The following SKAP1 variants were observed in gnomAD, a reference collection of about 807,000 sequenced individuals.
SKAP1 encodes the protein src kinase-associated phosphoprotein 1.
Under a neutral mutation model 58.5 loss-of-function variants are expected in SKAP1, and 44 were observed. That is an observed-to-expected ratio of 0.75 (90% CI 0.59 to 0.97). The LOEUF is 0.97. SKAP1 is among the 50% of genes least tolerant of loss of function. SKAP1 has a pLI of 0.00. For synonymous variants in SKAP1, 127 were observed against 149.7 expected (o/e 0.85, Z 1.11); for missense variants, 390 against 435.2 (o/e 0.90, Z 0.92).
intron 4 of SKAP1, among the ~76,000 whole-genome samples, chr17:48,196,302 G>A (rs950480322): frequency 5.3e-5 from 8 of 152,198 alleles, no homozygotes; most frequent in African/African-American, 1.9e-4. Flanking sequence ...CAGGCATGAT[G>A]TGTGGTTATT....
upstream of SKAP1, among the ~76,000 whole-genome samples, chr17:48,433,123 G>A (rs1041949840): frequency 1.4e-4 from 21 of 152,214 alleles, no homozygotes; most frequent in Admixed American, 5.9e-4. Context: ...TGAGGACCCT[G>A]TTTCAGCAGT....
chr17:48,207,929 G>C (rs1467342107), intron 4 of SKAP1, among the ~76,000 whole-genome samples: 1 of 152,170 alleles, frequency 6.6e-6, no homozygotes. Flanking sequence ...GAATGTCCTA[G>C]AATGACTTCA....
chr17:48,209,756 T>G (rs1274392076), intron 4 of SKAP1, among the ~76,000 whole-genome samples: 1 of 152,222 alleles, frequency 6.6e-6, no homozygotes, highest in Non-Finnish European at 1.5e-5. Context: ...ATAGATACTT[T>G]TCCCCTCAGA....
rs1445537680 is a variant in SKAP1, at chr17:48,369,180, T to TAA, written c.153-5368_153-5367dup. ...AAATAAATAAATAAATAAATAAATATAAAATAAAGATGTTTTAACTGAACT... is the reference window on the plus strand; with the variant it reads ...AAATAAATAAATAAATAAATAAATATAAAAAATAAAGATGTTTTAACTGAACT... On this transcript the variant is annotated intron_variant, in intron 2 of 12. Coordinates refer to ENST00000336915, the MANE Select transcript of SKAP1 (RefSeq NM_003726.4). Among the ~76,000 whole-genome samples the TAA allele has an allele frequency of 1.4e-3, 172 of 121,954 alleles. 1 individual carries two copies. The highest frequency in any genetic ancestry group is 0.01 in the East Asian group (50 of 4,794). 80.0% of individuals were successfully genotyped at this position (121,954 alleles called of 152,430 possible).
intron 3 of SKAP1, among the ~76,000 whole-genome samples, chr17:48,353,504 T>C (rs1794052753): frequency 6.6e-6 from 1 of 152,210 alleles, no homozygotes; most frequent in Non-Finnish European, 1.5e-5. Context: ...CTGATACATT[T>C]TGGGGTCTAC....
At chr17:48,312,490 C>T (rs940474934) in intron 4 of SKAP1, among the ~76,000 whole-genome samples, 48 of 152,266 alleles carry the variant, frequency 3.2e-4, no homozygotes, top group African/African-American at 1.0e-3. Context: ...TTCTATAACA[C>T]TATGTGAAAC....
intron 2 of SKAP1, among the ~76,000 whole-genome samples, chr17:48,383,626 T>C (rs2067243658): frequency 6.6e-6 from 1 of 151,864 alleles, no homozygotes; most frequent in South Asian, 2.1e-4. Flanking sequence ...AATTAAAGCC[T>C]AATTTTCTCT....
intron 11 of SKAP1, among the ~76,000 whole-genome samples, chr17:48,142,323 G>A (rs375007558): frequency 2.0e-5 from 3 of 152,238 alleles, no homozygotes; most frequent in East Asian, 1.9e-4. Flanking sequence ...TTAGCTGGGC[G>A]TGGTTGAGGA....
intron 4 of SKAP1, among the ~76,000 whole-genome samples, chr17:48,235,616 T>C (rs1368501314): frequency 2.0e-5 from 3 of 152,178 alleles, no homozygotes; most frequent in African/African-American, 7.2e-5. Flanking sequence ...TGTGTTAAAG[T>C]AGGACAAGCA....
In SKAP1 at chr17:48,147,794, G is replaced by A. The variant is rs974411255; in HGVS notation, c.979-10457C>T. On this transcript the variant is annotated intron_variant, in intron 11 of 12. Coordinates refer to ENST00000336915, the MANE Select transcript of SKAP1 (RefSeq NM_003726.4). ...TCTTTTTCCATTATTCAGAGTTTTGGTCTATAAATCATAATAAAAATGAAT... is the reference window on the plus strand; with the variant it reads ...TCTTTTTCCATTATTCAGAGTTTTGATCTATAAATCATAATAAAAATGAAT... Among the ~76,000 whole-genome samples, 5 of 152,074 alleles carry A rather than the reference G, an allele frequency of 3.3e-5. 1 individual carries two copies. In the South Asian group the frequency reaches 8.3e-4, roughly 25 times the overall value.
intron 1 of SKAP1, among the ~76,000 whole-genome samples, chr17:48,421,929 C>T (rs1204117299): frequency 6.6e-6 from 1 of 151,980 alleles, no homozygotes; most frequent in Non-Finnish European, 1.5e-5. Flanking sequence ...CCCTAAAAGT[C>T]GGGCTGGGAG....
chr17:48,356,015 G>A (rs1312539826), intron 3 of SKAP1, among the ~76,000 whole-genome samples: 1 of 151,984 alleles, frequency 6.6e-6, no homozygotes, highest in Admixed American at 6.6e-5. Flanking sequence ...AGCACTTTGG[G>A]AGACTGAGGT....
chr17:48,431,811 A>G (rs2144637483), upstream of SKAP1, among the ~76,000 whole-genome samples: 1 of 152,306 alleles, frequency 6.6e-6, no homozygotes, highest in South Asian at 2.1e-4. Flanking sequence ...AATGGTTTTT[A>G]CAACAGCCAT....
intron 3 of SKAP1, among the ~76,000 whole-genome samples, chr17:48,357,117 C>A (rs1029083051): frequency 1.3e-5 from 2 of 152,124 alleles, no homozygotes; most frequent in East Asian, 3.8e-4. Flanking sequence ...CTATTCCAAA[C>A]AATGCTATCA....
At chr17:48,415,128 C>A (rs1220281341) in intron 1 of SKAP1, among the ~76,000 whole-genome samples, 1 of 152,080 alleles carries the variant, frequency 6.6e-6, no homozygotes, top group Non-Finnish European at 1.5e-5. Flanking sequence ...GATGAATGGC[C>A]AAATGCTGTT....
intron 2 of SKAP1, among the ~76,000 whole-genome samples, chr17:48,387,208 A>G (rs760993222): frequency 7.2e-5 from 11 of 152,210 alleles, no homozygotes; most frequent in Non-Finnish European, 1.5e-4. Context: ...TAATCTTCAC[A>G]CAATTCTTTT....
chr17:48,140,272 C>T (rs1390288341), intron 11 of SKAP1, among the ~76,000 whole-genome samples: 3 of 152,224 alleles, frequency 2.0e-5, no homozygotes, highest in Admixed American at 2.0e-4. Flanking sequence ...CTCAGCAGTG[C>T]TGGCACTATT....
intron 4 of SKAP1, among the ~76,000 whole-genome samples, chr17:48,311,368 C>A (rs1254346764): frequency 2.6e-5 from 4 of 152,208 alleles, no homozygotes; most frequent in African/African-American, 9.6e-5. Flanking sequence ...ATCCCCAGTT[C>A]TATCCATTAC....
chr17:48,137,131 G>T, intron 12 of SKAP1, 98 bp downstream of exon 12: 1 of 674,640 alleles, frequency 1.5e-6, no homozygotes, highest in East Asian at 2.6e-5. Flanking sequence ...ATGAAGAAAA[G>T]CTACTTCACT....
Sources: allele counts gnomAD v4.1 joint callset (sites outside exome capture counted in the v4.1 genomes callset), GRCh38; gene constraint gnomAD v4.1.1; transcripts MANE v1.5; gene names NCBI Gene and HGNC (gene_info 2026-07-23, HGNC 2026-07-21).